NPSR1: variants seen among roughly 807,000 people sequenced by gnomAD.
NPSR1 encodes the protein neuropeptide S receptor.
NPSR1 carries 48 observed loss-of-function variants against 46.9 expected under a neutral mutation model. The ratio of observed to expected loss-of-function variants is 1.02; its 90% confidence interval spans 0.81 to 1.30. The LOEUF is 1.30. NPSR1 is among the 50% of genes most tolerant of loss of function. The pLI is 0.00. For missense variants in NPSR1, 450 were observed against 449.5 expected (o/e 1.00, Z -0.01); for synonymous variants, 176 against 168.1 (o/e 1.05, Z -0.36).
chr7:34,752,033 C>T (rs1785564722), intron 2 of NPSR1: 2 of 727,796 alleles, frequency 2.7e-6, no homozygotes, highest in East Asian at 2.5e-5. Flanking sequence ...GCCGGTAGTC[C>T]TGTGGAAACT....
intron 1 of NPSR1, among the ~76,000 whole-genome samples, chr7:34,660,676 G>A (rs140002565): frequency 2.0e-4 from 31 of 152,326 alleles, no homozygotes; most frequent in African/African-American, 5.1e-4. Context: ...GGTGCCAAGA[G>A]TCATAGCAAG....
intron 3 of NPSR1, among the ~76,000 whole-genome samples, chr7:34,805,507 T>C (rs1163968154): frequency 2.9e-5 from 4 of 139,718 alleles, no homozygotes; most frequent in Admixed American, 7.2e-5. Flanking sequence ...AAAAACTTAA[T>C]GTAGACCTTA....
intron 2 of NPSR1, among the ~76,000 whole-genome samples, chr7:34,739,877 G>T (rs1024324632): frequency 6.6e-6 from 1 of 152,210 alleles, no homozygotes; most frequent in Non-Finnish European, 1.5e-5. Flanking sequence ...TTTTGTGCTT[G>T]TTGGCCTCTG....
chr7:34,852,502 G>T (rs746303772), downstream of NPSR1, among the ~76,000 whole-genome samples: 1 of 152,130 alleles, frequency 6.6e-6, no homozygotes, highest in African/African-American at 2.4e-5. Context: ...ACACAGGGAG[G>T]AATCTCTGAG....
intron 2 of NPSR1, among the ~76,000 whole-genome samples, chr7:34,714,146 C>T (rs117862354): frequency 1.1e-3 from 160 of 152,358 alleles, no homozygotes; most frequent in Non-Finnish European, 1.7e-3. Flanking sequence ...AGGAAAGTTC[C>T]TCAGTTCCTC....
chr7:34,703,371 A>T (rs1793942048), intron 2 of NPSR1, among the ~76,000 whole-genome samples: 1 of 148,546 alleles, frequency 6.7e-6, no homozygotes, highest in East Asian at 2.0e-4. Flanking sequence ...ACTCCGTCTC[A>T]AAATAAATAA....
chr7:34,837,595 T>G (rs187769817), intron 6 of NPSR1, among the ~76,000 whole-genome samples: 29 of 152,364 alleles, frequency 1.9e-4, no homozygotes, highest in Middle Eastern at 3.4e-3. Context: ...AAACAGTAAA[T>G]GGGTTAATCC....
intron 6 of NPSR1, among the ~76,000 whole-genome samples, chr7:34,836,367 T>A (rs562572150): frequency 5.3e-5 from 8 of 152,314 alleles, no homozygotes; most frequent in African/African-American, 1.9e-4. Flanking sequence ...GAAAGAGAAT[T>A]ATATGGACAG....
chr7:34,805,636 A>T (rs1788662891), intron 3 of NPSR1, among the ~76,000 whole-genome samples: 1 of 151,928 alleles, frequency 6.6e-6, no homozygotes, highest in African/African-American at 2.4e-5. Context: ...CTCTTTGTCT[A>T]TGAGTTTTTA....
intron 2 of NPSR1, among the ~76,000 whole-genome samples, chr7:34,731,135 AAATAG>A (rs1451633731): frequency 6.6e-6 from 1 of 152,192 alleles, no homozygotes; most frequent in East Asian, 1.9e-4. Context: ...TTTTTAATAC[AAATAG>A]AATTATAAAC....
At chr7:34,715,288 A>T (rs1783506547) in intron 2 of NPSR1, among the ~76,000 whole-genome samples, 1 of 152,232 alleles carries the variant, frequency 6.6e-6, no homozygotes, top group South Asian at 2.1e-4. Context: ...AACTAAGCAG[A>T]TGAGAATGTG....
chr7:34,678,344 C>T (rs1408021712), intron 1 of NPSR1, among the ~76,000 whole-genome samples: 1 of 151,458 alleles, frequency 6.6e-6, no homozygotes. Flanking sequence ...GGCTCAGCCT[C>T]CCGAGTAGCT....
chr7:34,723,354 C>T (rs984124089), intron 2 of NPSR1: 1 of 152,440 alleles, frequency 6.6e-6, no homozygotes, highest in Admixed American at 6.6e-5. Flanking sequence ...TGTCCTTTAC[C>T]CAAAGACCTG....
intron 1 of NPSR1, among the ~76,000 whole-genome samples, chr7:34,680,192 G>C (rs1453359070): frequency 6.6e-6 from 1 of 152,050 alleles, no homozygotes; most frequent in African/African-American, 2.4e-5. Flanking sequence ...ATCTTTGAAA[G>C]TCGGAAAGAA....
intron 2 of NPSR1, among the ~76,000 whole-genome samples, chr7:34,744,849 T>G (rs1785123481): frequency 6.6e-6 from 1 of 152,250 alleles, no homozygotes; most frequent in African/African-American, 2.4e-5. Flanking sequence ...GTTCTGCATT[T>G]ATGAATTCAA....
intron 1 of NPSR1, among the ~76,000 whole-genome samples, chr7:34,681,285 G>A (rs1199586553): frequency 6.6e-6 from 1 of 152,112 alleles, no homozygotes; most frequent in Admixed American, 6.5e-5. Flanking sequence ...AGCTGGCAGG[G>A]GCCATAGAAG....
downstream of NPSR1, among the ~76,000 whole-genome samples, chr7:34,850,855 A>G (rs370518099): frequency 1.3e-5 from 2 of 152,216 alleles, no homozygotes; most frequent in Admixed American, 6.5e-5. Context: ...TTCCAGGCTT[A>G]ATGTTTCTCT....
Position 34,658,574 on chromosome 7 carries a change from T to A in NPSR1, c.147+15T>A. ...ACTCCTTTAAGGTAAGTTTCTTGCC[T>A]GCGACTCTGAACACTGACTTATAAC... On this transcript the variant is annotated intron_variant, in intron 1 of 8. Transcript: ENST00000360581. 1 of 1,612,642 alleles carries A rather than the reference T, an allele frequency of 6.2e-7. No individual in the cohort carries two copies. The highest frequency in any genetic ancestry group is 1.1e-5 in the South Asian group (1 of 90,948).
At chr7:34,675,998 T>G (rs999867290) in intron 1 of NPSR1, among the ~76,000 whole-genome samples, 11 of 152,116 alleles carry the variant, frequency 7.2e-5, no homozygotes, top group Admixed American at 4.6e-4. Context: ...GGGGGTTGTG[T>G]TGGGACACCA....
Sources: gnomAD v4.1 joint callset for allele counts (sites outside exome capture counted in the v4.1 genomes callset) on GRCh38, gnomAD v4.1.1 for gene constraint, MANE v1.5 for transcripts, NCBI Gene and HGNC (gene_info 2026-07-23, HGNC 2026-07-21) for gene names.